TRMT11: variants seen among roughly 807,000 people sequenced by gnomAD.
The protein encoded by TRMT11 is tRNA methyltransferase 11, also known as tRNA (guanine(10)-N(2))-methyltransferase TRMT11.
A neutral mutation model predicts 62.8 loss-of-function variants in TRMT11; 53 were observed. The ratio of observed to expected loss-of-function variants is 0.84; its 90% confidence interval spans 0.68 to 1.06. TRMT11 has a LOEUF of 1.06. TRMT11 is among the 50% of genes least tolerant of loss of function. The pLI is 0.00. For synonymous variants in TRMT11, 188 were observed against 190.3 expected, an observed-to-expected ratio of 0.99 and a Z score of 0.10; for missense variants, 556 against 553.4, an observed-to-expected ratio of 1.00 and a Z score of -0.05.
intron 7 of TRMT11, chr6:126,007,063 A>T (rs929866575): frequency 1.3e-5 from 2 of 151,914 alleles, no homozygotes; most frequent in African/African-American, 4.8e-5. Context: ...CTAAATATGG[A>T]ATGTTCCATT....
At chr6:126,106,485 C>T (rs1777465808) in intron 17 of TRMT11, among the ~76,000 whole-genome samples, 1 of 152,080 alleles carries the variant, frequency 6.6e-6, no homozygotes, top group African/African-American at 2.4e-5. Context: ...TTTTTGGCCT[C>T]ACTACTTCTC....
intron 21 of TRMT11, among the ~76,000 whole-genome samples, chr6:126,139,725 G>A (rs187918099): frequency 6.6e-6 from 1 of 152,166 alleles, no homozygotes; most frequent in Non-Finnish European, 1.5e-5. Context: ...TGATGTGTGT[G>A]TTTTAAAATG....
chr6:126,266,135 G>A, the TRMT11 span, among the ~76,000 whole-genome samples: 1 of 148,810 alleles, frequency 6.7e-6, no homozygotes, highest in Admixed American at 6.8e-5. Context: ...CTGTGGCCCA[G>A]GTAAGTTAAA....
At chr6:126,209,697 C>T in the TRMT11 span, among the ~76,000 whole-genome samples, 1 of 152,086 alleles carries the variant, frequency 6.6e-6, no homozygotes, top group Non-Finnish European at 1.5e-5. Context: ...CACCGCACTC[C>T]AGCCTGGGAG....
intron 17 of TRMT11, among the ~76,000 whole-genome samples, chr6:126,099,366 T>C (rs1212208399): frequency 6.6e-6 from 1 of 152,208 alleles, no homozygotes; most frequent in Admixed American, 6.5e-5. Flanking sequence ...AAAATAAATT[T>C]AGTGCATCAA....
At chr6:126,024,741 G>A (rs1349498215) in intron 12 of TRMT11, among the ~76,000 whole-genome samples, 1 of 152,182 alleles carries the variant, frequency 6.6e-6, no homozygotes, top group Non-Finnish European at 1.5e-5. Flanking sequence ...AATAAGAGGA[G>A]TCTGTTGTAC....
intron 7 of TRMT11, among the ~76,000 whole-genome samples, chr6:126,007,665 C>T (rs1346108539): frequency 1.3e-5 from 2 of 151,906 alleles, no homozygotes; most frequent in East Asian, 3.9e-4. Context: ...ATTAAGATTT[C>T]TCTTCATGCA....
intron 17 of TRMT11, among the ~76,000 whole-genome samples, chr6:126,068,887 G>A (rs549089668): frequency 6.6e-4 from 101 of 152,204 alleles, no homozygotes; most frequent in Middle Eastern, 3.4e-3. Context: ...CAATATGCCC[G>A]GTCTACCAAG....
At chr6:126,176,601 T>A (rs906840608), upstream of TRMT11, among the ~76,000 whole-genome samples, 4 of 152,146 alleles carry the variant, frequency 2.6e-5, no homozygotes, top group Non-Finnish European at 4.4e-5. Context: ...TTTTCTCCAC[T>A]TGGATCTATA....
intron 1 of TRMT11, among the ~76,000 whole-genome samples, chr6:126,190,025 C>A (rs375338062): frequency 6.6e-6 from 1 of 151,998 alleles, no homozygotes; most frequent in African/African-American, 2.4e-5. Context: ...ATATACATCA[C>A]CTCAAACATT....
At chr6:126,257,924 C>A in the TRMT11 span, 1 of 1,543,542 alleles carries the variant, frequency 6.5e-7, no homozygotes, top group Non-Finnish European at 8.9e-7. Context: ...AGGACCCTCA[C>A]TTCTTCTGGG....
At chr6:126,262,580 C>T in the TRMT11 span, among the ~76,000 whole-genome samples, 1 of 152,122 alleles carries the variant, frequency 6.6e-6, no homozygotes, top group Non-Finnish European at 1.5e-5. Flanking sequence ...CCTTAACAGC[C>T]TAGGGGCTCA....
At chr6:126,062,690 A>T (rs1016990024) in intron 17 of TRMT11, among the ~76,000 whole-genome samples, 5 of 144,488 alleles carry the variant, frequency 3.5e-5, no homozygotes, top group Admixed American at 3.3e-4. Flanking sequence ...CTGTCAAAAG[A>T]TATTACTTGA....
intron 3 of TRMT11, among the ~76,000 whole-genome samples, chr6:125,996,939 G>A (rs1011477389): frequency 1.1e-4 from 17 of 152,028 alleles, no homozygotes; most frequent in African/African-American, 3.1e-4. Context: ...AGTGAAGGTC[G>A]TTAACAGGCC....
At chr6:126,043,927 G>T (rs1380396014), downstream of TRMT11, among the ~76,000 whole-genome samples, 155 of 147,364 alleles carry the variant, frequency 1.1e-3, 2 homozygotes, top group South Asian at 9.1e-3. Context: ...TAAATTTGTT[G>T]GAGTTCATTG....
In TRMT11 at chr6:126,012,850, A is replaced by G. The variant is rs928766290; in HGVS notation, c.1005A>G (p.Lys335=). 3 of 1,613,296 alleles carry G rather than the reference A, an allele frequency of 1.9e-6. No individual in the cohort carries two copies. Among genetic ancestry groups the G allele is most frequent in the African/African-American group, 2.7e-5 (2 of 74,926 alleles). Residue 335 remains lysine, a splice_region_variant and synonymous_variant, in exon 10 of 13, where the codon AAA becomes AAG. Transcript: ENST00000334379. ...CAAAGGGGATAGAAAAATGGGAAAA[A>G]TGGTAAGTGAAATTTAAATATGATG... ...EIPKGIEKWE[K]CPESHVPVSL...
At chr6:126,129,689 T>TA (rs1226675153) in intron 21 of TRMT11, among the ~76,000 whole-genome samples, 3 of 151,898 alleles carry the variant, frequency 2.0e-5, no homozygotes, top group African/African-American at 4.8e-5. Context: ...TGACTGGATT[T>TA]AAAAAAAATT....
At chr6:126,228,219 G>A in the TRMT11 span, among the ~76,000 whole-genome samples, 1 of 152,196 alleles carries the variant, frequency 6.6e-6, no homozygotes, top group African/African-American at 2.4e-5. Context: ...AAGTGGTCAG[G>A]ATGCCAACCA....
At chr6:126,102,097 A>G (rs546155388) in intron 17 of TRMT11, among the ~76,000 whole-genome samples, 1 of 152,336 alleles carries the variant, frequency 6.6e-6, no homozygotes, top group South Asian at 2.1e-4. Context: ...CCATGGAGGC[A>G]GTGCAGCTTG....
Sources: gnomAD v4.1 joint callset for allele counts (sites outside exome capture counted in the v4.1 genomes callset) on GRCh38, gnomAD v4.1.1 for gene constraint, MANE v1.5 for transcripts, NCBI Gene and HGNC (gene_info 2026-07-23, HGNC 2026-07-21) for gene names.